The following SSBP3 variants were observed in gnomAD, a reference collection of about 807,000 sequenced individuals.
The protein encoded by SSBP3 is single-stranded DNA-binding protein 3.
Under a neutral mutation model 69.6 loss-of-function variants are expected in SSBP3, and 5 were observed. The observed-to-expected ratio is 0.07, with a 90% CI of 0.04 to 0.15. The LOEUF is 0.15. Among genes scored for constraint, SSBP3 ranks in the 10% least tolerant of loss-of-function variants. SSBP3 has a pLI of 1.00. For missense variants in SSBP3, 312 were observed against 534.0 expected, an observed-to-expected ratio of 0.58 and a Z score of 4.10; for synonymous variants, 196 against 193.4, an observed-to-expected ratio of 1.01 and a Z score of -0.11.
At chr1:54,376,653 T>C (rs1001369070) in intron 4 of SSBP3, among the ~76,000 whole-genome samples, 1 of 152,222 alleles carries the variant, frequency 6.6e-6, no homozygotes, top group Non-Finnish European at 1.5e-5. Context: ...TTCTTCTTCA[T>C]GAGATAGACT....
intron 4 of SSBP3, among the ~76,000 whole-genome samples, chr1:54,315,443 A>G (rs1646077986): frequency 6.6e-6 from 1 of 152,314 alleles, no homozygotes. Context: ...TGGTACAGAA[A>G]GTAGAAAAGT....
intron 5 of SSBP3, among the ~76,000 whole-genome samples, chr1:54,259,606 A>G (rs1227564900): frequency 2.6e-5 from 4 of 152,368 alleles, no homozygotes; most frequent in African/African-American, 4.8e-5. Context: ...CTAAATTAAA[A>G]AGAGAGAGGA....
At chr1:54,298,960 C>CACACACACACACACACACAT (rs59387856) in intron 4 of SSBP3, among the ~76,000 whole-genome samples, 4 of 151,600 alleles carry the variant, frequency 2.6e-5, no homozygotes, top group Admixed American at 2.6e-4. Flanking sequence ...CACACACACA[C>CACACACACACACACACACAT]GAGCTCTGTT....
chr1:54,337,484 G>GTTTT (rs1203018944), intron 4 of SSBP3, among the ~76,000 whole-genome samples: 1 of 78,902 alleles, frequency 1.3e-5, no homozygotes. Context: ...TTTTCCTCAA[G>GTTTT]CTTTTTTTTT....
At chr1:54,265,190 G>A (rs1393561969) in intron 5 of SSBP3, among the ~76,000 whole-genome samples, 1 of 152,194 alleles carries the variant, frequency 6.6e-6, no homozygotes, top group African/African-American at 2.4e-5. Context: ...TGACCAGATG[G>A]GGGGAGGAAG....
intron 4 of SSBP3, among the ~76,000 whole-genome samples, chr1:54,336,745 T>C (rs1215733610): frequency 1.3e-5 from 2 of 152,158 alleles, no homozygotes; most frequent in Non-Finnish European, 2.9e-5. Context: ...GGCTTTGGCG[T>C]GCTGCAGCAT....
chr1:54,336,812 G>A (rs1646515398), intron 4 of SSBP3, among the ~76,000 whole-genome samples: 1 of 152,308 alleles, frequency 6.6e-6, no homozygotes, highest in East Asian at 1.9e-4. Context: ...GAGGGTCCCA[G>A]AAGGCACACG....
intron 4 of SSBP3, among the ~76,000 whole-genome samples, chr1:54,289,190 A>G (rs563107625): frequency 2.6e-5 from 4 of 152,186 alleles, no homozygotes; most frequent in South Asian, 2.1e-4. Context: ...GAGACTGTCT[A>G]TATGTTTTTG....
At chr1:54,306,113 G>A (rs1458492259) in intron 4 of SSBP3, among the ~76,000 whole-genome samples, 6 of 151,800 alleles carry the variant, frequency 4.0e-5, no homozygotes, top group African/African-American at 1.2e-4. Flanking sequence ...CAGCTCCTGG[G>A]TTCATTTCTT....
chr1:54,235,286 T>G (rs866566570), intron 14 of SSBP3, among the ~76,000 whole-genome samples: 2,243 of 73,082 alleles, frequency 0.031, 41 homozygotes, highest in East Asian at 0.093. Flanking sequence ...TTTTTTTTTT[T>G]TTTTTTTTTT....
intron 13 of SSBP3, among the ~76,000 whole-genome samples, chr1:54,240,087 TGC>T (rs56281276): frequency 0.14 from 5,986 of 41,764 alleles, 160 homozygotes; most frequent in Middle Eastern, 0.19. Context: ...TGTGTGTGTG[TGC>T]GCGCGCGCGC....
intron 4 of SSBP3, among the ~76,000 whole-genome samples, chr1:54,390,632 C>A (rs758084313): frequency 2.0e-5 from 3 of 152,202 alleles, no homozygotes; most frequent in Non-Finnish European, 4.4e-5. Flanking sequence ...TTGGCTTCCC[C>A]GATGCTGAAA....
intron 4 of SSBP3, chr1:54,325,565 A>G (rs1360433752): frequency 6.1e-6 from 1 of 165,134 alleles, no homozygotes; most frequent in Non-Finnish European, 1.5e-5. Context: ...CTTATTTTGT[A>G]ACTCCTGCTG....
At chr1:54,328,043 G>C (rs928904924) in intron 4 of SSBP3, among the ~76,000 whole-genome samples, 1 of 152,206 alleles carries the variant, frequency 6.6e-6, no homozygotes, top group Non-Finnish European at 1.5e-5. Context: ...ATGGTTGATA[G>C]GGAAGAGGAC....
At chr1:54,230,205 G>A (rs549724243) in intron 14 of SSBP3, among the ~76,000 whole-genome samples, 10 of 152,240 alleles carry the variant, frequency 6.6e-5, no homozygotes, top group South Asian at 4.1e-4. Context: ...GAGGGGTGGC[G>A]CATCCTTGCC....
chr1:54,260,842 G>T (rs866189534), intron 5 of SSBP3, among the ~76,000 whole-genome samples: 4 of 152,346 alleles, frequency 2.6e-5, no homozygotes, highest in Middle Eastern at 6.8e-3. Context: ...TGAGGACCAG[G>T]AATCTTGGCC....
intron 4 of SSBP3, chr1:54,326,500 A>T (rs1569819008): frequency 6.6e-6 from 1 of 152,260 alleles, no homozygotes; most frequent in East Asian, 1.9e-4. Flanking sequence ...CCCCAAGCTT[A>T]TTCTATTTAG....
intron 7 of SSBP3, among the ~76,000 whole-genome samples, chr1:54,256,636 T>C (rs1210971181): frequency 6.6e-6 from 1 of 152,196 alleles, no homozygotes; most frequent in Non-Finnish European, 1.5e-5. Flanking sequence ...AATCTCCTGC[T>C]CTGCTGCATC....
chr1:54,296,166 G>C (rs1645700187), intron 4 of SSBP3, among the ~76,000 whole-genome samples: 1 of 152,294 alleles, frequency 6.6e-6, no homozygotes, highest in East Asian at 1.9e-4. Flanking sequence ...CCAGATTTTG[G>C]TAAGCCCAAA....
Sources: allele counts gnomAD v4.1 joint callset (sites outside exome capture counted in the v4.1 genomes callset), GRCh38; gene constraint gnomAD v4.1.1; transcripts MANE v1.5; gene names NCBI Gene and HGNC (gene_info 2026-07-23, HGNC 2026-07-21).